Variants in ADAMTS12 observed in about 807,000 individuals in gnomAD.
ADAMTS12 encodes ADAM metallopeptidase with thrombospondin type 1 motif 12, also known as A disintegrin and metalloproteinase with thrombospondin motifs 12.
ADAMTS12 carries 118 observed loss-of-function variants against 167.8 expected under a neutral mutation model. That is an observed-to-expected ratio of 0.70 (90% CI 0.61 to 0.82). ADAMTS12 has a LOEUF of 0.82. ADAMTS12 is among the 40% of genes least tolerant of loss of function. The probability of loss-of-function intolerance (pLI) is 0.00; values close to 1 mark genes in which losing one functional copy is unlikely to be tolerated. For missense variants in ADAMTS12, 1,916 were observed against 1,998.8 expected (o/e 0.96, Z 0.79); for synonymous variants, 704 against 716.9 (o/e 0.98, Z 0.29).
chr5:33,586,989 A>C (rs147629038), intron 18 of ADAMTS12, among the ~76,000 whole-genome samples: 1 of 148,628 alleles, frequency 6.7e-6, no homozygotes, highest in Non-Finnish European at 1.5e-5. Context: ...TCTGGATCCC[A>C]TCTCTCCCAC....
chr5:33,701,622 T>C (rs1051294913), intron 3 of ADAMTS12, among the ~76,000 whole-genome samples: 1 of 152,108 alleles, frequency 6.6e-6, no homozygotes, highest in Non-Finnish European at 1.5e-5. Flanking sequence ...TAAAATACAA[T>C]TAAACAAAAC....
intron 2 of ADAMTS12, among the ~76,000 whole-genome samples, chr5:33,793,923 G>C (rs1174691709): frequency 6.6e-6 from 1 of 152,090 alleles, no homozygotes; most frequent in Admixed American, 6.6e-5. Context: ...GCACTCTCCC[G>C]CAAGTTCTGG....
chr5:33,537,488 C>T (rs142548381), intron 22 of ADAMTS12, among the ~76,000 whole-genome samples: 269 of 152,294 alleles, frequency 1.8e-3, no homozygotes, highest in African/African-American at 6.2e-3. Context: ...GAGGCTGAGG[C>T]TTGTGTCAAG....
intron 2 of ADAMTS12, among the ~76,000 whole-genome samples, chr5:33,757,720 G>C (rs191677772): frequency 5.7e-4 from 87 of 152,342 alleles, no homozygotes; most frequent in African/African-American, 2.0e-3. Flanking sequence ...GAAACAGCAT[G>C]AGCTGTGTGA....
intron 2 of ADAMTS12, among the ~76,000 whole-genome samples, chr5:33,865,684 T>C (rs1749791535): frequency 6.6e-6 from 1 of 152,136 alleles, no homozygotes; most frequent in Non-Finnish European, 1.5e-5. Context: ...TGTTGTTCAC[T>C]GATGATATGA....
intron 2 of ADAMTS12, among the ~76,000 whole-genome samples, chr5:33,793,888 C>G (rs771130756): frequency 3.9e-5 from 6 of 152,200 alleles, no homozygotes. Context: ...CCCCTCCCCG[C>G]CTGTGAAGTC....
intron 2 of ADAMTS12, among the ~76,000 whole-genome samples, chr5:33,832,589 C>T (rs189976057): frequency 5.9e-5 from 9 of 152,294 alleles, no homozygotes; most frequent in Middle Eastern, 6.8e-3. Context: ...CTCAGCAAAA[C>T]GTGTACAATT....
intron 2 of ADAMTS12, among the ~76,000 whole-genome samples, chr5:33,783,345 C>T (rs979986877): frequency 6.6e-6 from 1 of 150,458 alleles, no homozygotes; most frequent in African/African-American, 2.4e-5. Context: ...TAAAAAGGGA[C>T]CAAATAAAAT....
At chr5:33,734,193 G>A (rs913995442) in intron 3 of ADAMTS12, among the ~76,000 whole-genome samples, 1 of 152,184 alleles carries the variant, frequency 6.6e-6, no homozygotes, top group Non-Finnish European at 1.5e-5. Flanking sequence ...AAGCAGGAAC[G>A]TGTTCCTTGC....
At position 33,658,888 on chromosome 5, in the gene ADAMTS12, G is replaced by C. The variant is rs185233625; in HGVS notation, c.1041-555C>G. Among the ~76,000 whole-genome samples, 75 of 152,262 alleles carry C rather than the reference G, an allele frequency of 4.9e-4. 1 individual carries two copies. Among genetic ancestry groups the C allele is most frequent in the Non-Finnish European group, 2.9e-5 (2 of 68,014 alleles). On this transcript the variant is annotated intron_variant, in intron 6 of 23. Coordinates refer to ENST00000504830, the MANE Select transcript of ADAMTS12 (RefSeq NM_030955.4). Reference sequence around the variant, plus strand: ...TATGAGAGAATGCATGCCTGTGTGTGCATGTACATCTAGAATCTCAGAAAA... The same window carrying C: ...TATGAGAGAATGCATGCCTGTGTGTCCATGTACATCTAGAATCTCAGAAAA...
At chr5:33,659,096 T>A in intron 6 of ADAMTS12, among the ~76,000 whole-genome samples, 1 of 152,196 alleles carries the variant, frequency 6.6e-6, no homozygotes, top group East Asian at 1.9e-4. Flanking sequence ...TCTAGTTAAT[T>A]GAACACCAGC....
chr5:33,672,721 G>A (rs375571487), intron 5 of ADAMTS12, among the ~76,000 whole-genome samples: 1 of 152,326 alleles, frequency 6.6e-6, no homozygotes. Flanking sequence ...ACCAAATTCA[G>A]TGTCAGCAAG....
At chr5:33,658,439 A>T (rs1741139429) in intron 6 of ADAMTS12, 106 bp from the exon 7 acceptor site, 16 of 1,319,334 alleles carry the variant, frequency 1.2e-5, no homozygotes, top group Non-Finnish European at 1.7e-5. Context: ...TCTGTAAAGT[A>T]TGCTTGGCAT....
intron 2 of ADAMTS12, among the ~76,000 whole-genome samples, chr5:33,831,863 T>C (rs1748312869): frequency 6.6e-6 from 1 of 152,234 alleles, no homozygotes; most frequent in African/African-American, 2.4e-5. Flanking sequence ...CCCTGCTCTA[T>C]GGCCGAGGCC....
At chr5:33,832,833 C>T (rs1056295371) in intron 2 of ADAMTS12, among the ~76,000 whole-genome samples, 25 of 152,168 alleles carry the variant, frequency 1.6e-4, no homozygotes, top group African/African-American at 6.0e-4. Flanking sequence ...CACATATGCA[C>T]TAAAGACAGC....
At chr5:33,688,935 G>C (rs1742451342) in intron 3 of ADAMTS12, among the ~76,000 whole-genome samples, 1 of 152,160 alleles carries the variant, frequency 6.6e-6, no homozygotes, top group South Asian at 2.1e-4. Context: ...TGCCTTGTTT[G>C]AGGTCCAGCT....
chr5:33,686,821 T>G (rs1453035703), intron 3 of ADAMTS12, among the ~76,000 whole-genome samples: 1 of 149,802 alleles, frequency 6.7e-6, no homozygotes, highest in Non-Finnish European at 1.5e-5. Context: ...GGGAGAGAGA[T>G]GTATATATCT....
rs369329019 is a variant in ADAMTS12 at position 33,614,422 on chromosome 5, C to A, written c.2389-46G>T. On this transcript the variant is annotated intron_variant, in intron 15 of 23. Transcript: ENST00000504830. ...CATGTCAAACTGTCATGACTTTATA[C>A]CATAAGCCAGTCATGTAAAAACACC... is the stretch of plus-strand genomic sequence containing the variant. 36 of 1,599,706 alleles carry A rather than the reference C, an allele frequency of 2.3e-5. No individual in the cohort carries two copies. The African/African-American group carries it at 3.6e-4, about 16-fold the overall frequency.
At chr5:33,677,768 G>A (rs74471744) in intron 5 of ADAMTS12, among the ~76,000 whole-genome samples, 1,624 of 152,248 alleles carry the variant, frequency 0.011, 59 homozygotes, top group East Asian at 0.1. Flanking sequence ...TGTTTGACAC[G>A]TCTTTTCAGA....
Sources: allele counts gnomAD v4.1 joint callset (sites outside exome capture counted in the v4.1 genomes callset), GRCh38; gene constraint gnomAD v4.1.1; transcripts MANE v1.5; gene names NCBI Gene and HGNC (gene_info 2026-07-23, HGNC 2026-07-21).